TTLL5: variants seen among roughly 807,000 people sequenced by gnomAD.
The protein encoded by TTLL5 is tubulin polyglutamylase TTLL5.
TTLL5 carries 132 observed loss-of-function variants against 168.4 expected under a neutral mutation model. The ratio of observed to expected loss-of-function variants is 0.78; its 90% CI spans 0.68 to 0.91. The LOEUF is 0.91. Among genes scored for constraint, TTLL5 ranks in the 40% least tolerant of loss-of-function variants. The probability of loss-of-function intolerance (pLI) is 0.00; values close to 1 mark genes in which losing one functional copy is unlikely to be tolerated. For missense variants in TTLL5, 1,545 were observed against 1,581.5 expected (o/e 0.98, Z 0.39); for synonymous variants, 546 against 558.6 (o/e 0.98, Z 0.32).
chr14:75,721,181 TTTCTC>T (rs573830766), intron 12 of TTLL5, among the ~76,000 whole-genome samples: 1 of 151,836 alleles, frequency 6.6e-6, no homozygotes, highest in Admixed American at 6.6e-5. Context: ...TCCACTTTCT[TTTCTC>T]TTTCTCTTTC....
rs184178665 is a variant in TTLL5, at chr14:75,761,295, C to T, written c.1551-3320C>T. Among the ~76,000 whole-genome samples the T allele has an allele frequency of 4.5e-3, 681 of 152,040 alleles. 17 individuals are homozygous for T. The highest frequency in any genetic ancestry group is 0.04 in the Admixed American group (612 of 15,280). ...TTGTCGTTGACAGTGTAAACTGGTA[C>T]AAGCACTTTAGGAAGAGACTGGCAG... On this transcript the variant is annotated intron_variant, in intron 18 of 31. Coordinates refer to ENST00000298832, the MANE Select transcript of TTLL5 (RefSeq NM_015072.5).
chr14:75,839,614 G>T (rs1023269445), intron 28 of TTLL5, among the ~76,000 whole-genome samples: 1 of 152,174 alleles, frequency 6.6e-6, no homozygotes, highest in Non-Finnish European at 1.5e-5. Context: ...ATCAGATCTC[G>T]TGAGAACTCA....
At chr14:75,683,706 G>C in intron 5 of TTLL5, 50 bp downstream of exon 5, 3 of 1,421,178 alleles carry the variant, frequency 2.1e-6, no homozygotes, top group Non-Finnish European at 3.0e-6. Context: ...CATGACATTG[G>C]GGCATGTAGC....
At chr14:75,811,362 A>G (rs942328000) in intron 27 of TTLL5, among the ~76,000 whole-genome samples, 4 of 151,620 alleles carry the variant, frequency 2.6e-5, no homozygotes, top group Admixed American at 6.6e-5. Context: ...CCTATCTTCT[A>G]TGACGCGAAG....
At chr14:75,745,054 T>C (rs909656811) in intron 15 of TTLL5, 41 bp from the exon 16 acceptor site, 13 of 1,561,088 alleles carry the variant, frequency 8.3e-6, no homozygotes, top group South Asian at 2.3e-5. Context: ...TAATGAAAAC[T>C]TAAAAAATTT....
At chr14:75,806,930 T>C (rs2140380275) in intron 27 of TTLL5, among the ~76,000 whole-genome samples, 1 of 152,186 alleles carries the variant, frequency 6.6e-6, no homozygotes, top group East Asian at 1.9e-4. Context: ...TAGCCAGAAG[T>C]CATCTTTCTA....
intron 26 of TTLL5, among the ~76,000 whole-genome samples, chr14:75,789,091 T>G (rs1488866109): frequency 1.3e-5 from 2 of 152,024 alleles, no homozygotes; most frequent in African/African-American, 2.4e-5. Context: ...GAGAAGGAGA[T>G]TCTCTTAAAA....
intron 31 of TTLL5, among the ~76,000 whole-genome samples, chr14:75,908,944 T>G (rs981051917): frequency 6.6e-6 from 1 of 151,970 alleles, no homozygotes; most frequent in Non-Finnish European, 1.5e-5. Context: ...GCACAGCTAA[T>G]TTTTCATATT....
At chr14:75,732,528 T>G (rs538691679) in intron 13 of TTLL5, 109 bp downstream of exon 13, 1 of 911,818 alleles carries the variant, frequency 1.1e-6, no homozygotes, top group Non-Finnish European at 1.7e-6. Context: ...TTTTTCCTAG[T>G]TATTAGGTGG....
At chr14:75,699,893 GTAGT>G (rs35015483) in intron 7 of TTLL5, among the ~76,000 whole-genome samples, 1,784 of 152,210 alleles carry the variant, frequency 0.012, 32 homozygotes, top group African/African-American at 0.041. Flanking sequence ...ACTTACAATA[GTAGT>G]TAGTAACTTT....
At chr14:75,707,587 A>G (rs1886748996) in intron 8 of TTLL5, 36 bp from the exon 9 acceptor site, 22 of 1,545,868 alleles carry the variant, frequency 1.4e-5, no homozygotes, top group East Asian at 2.3e-5. Context: ...AAATGAACTT[A>G]GTTTTTTTTT....
chr14:75,906,648 C>G (rs2033157517), intron 31 of TTLL5: 1 of 985,856 alleles, frequency 1.0e-6, no homozygotes, highest in Admixed American at 6.1e-5. Context: ...CAGAGAAAAT[C>G]AAAGTCGGTG....
At position 75,792,924 on chromosome 14, in the gene TTLL5, T is replaced by A; in HGVS notation, c.2995T>A (p.Tyr999Asn). Residue 999 changes from tyrosine to asparagine, a missense_variant, in exon 27 of 32, where the codon TAT becomes AAT. Coordinates refer to ENST00000298832, the MANE Select transcript of TTLL5 (RefSeq NM_015072.5). ...TTTCTCCGTTTTAGCAGGATCGTGCTATCTAAACAAGCATCATTCAGGAAT... is the reference window on the plus strand; with the variant it reads ...TTTCTCCGTTTTAGCAGGATCGTGCAATCTAAACAAGCATCATTCAGGAAT... ...RPSSAKAGSCYLNKHHSGIAK... is the reference protein window; with the variant it reads ...RPSSAKAGSCNLNKHHSGIAK... 1 of 1,600,664 alleles carries A rather than the reference T, an allele frequency of 6.2e-7. No individual in the cohort carries two copies. The highest frequency in any genetic ancestry group is 8.5e-7 in the Non-Finnish European group (1 of 1,171,588).
At chr14:75,814,547 T>TCA (rs1461435108) in intron 27 of TTLL5, 1 of 152,210 alleles carries the variant, frequency 6.6e-6, no homozygotes, top group Admixed American at 6.5e-5. Flanking sequence ...CTGGGAGATT[T>TCA]TCCCTGCCCT....
In TTLL5 at chr14:75,779,632, T is replaced by C. The variant is rs1324379475; in HGVS notation, c.2445T>C (p.Ser815=). ...ATACCCAAAAGAACAAGTCTGCTAG[T>C]GTCTTCCTGGGGACTCACTCTAAAA... is the stretch of plus-strand genomic sequence containing the variant. ...TFYTQKNKSA[S]VFLGTHSKIS... The change falls in exon 24 of 32, where the codon AGT becomes AGC. Residue 815 remains serine, a synonymous_variant. Transcript: ENST00000298832. The C allele has an allele frequency of 2.5e-6, 4 of 1,613,904 alleles. No homozygotes were observed. In the South Asian group the frequency reaches 3.3e-5, roughly 13 times the overall value.
chr14:75,718,698 G>T (rs1315579655), intron 10 of TTLL5, among the ~76,000 whole-genome samples: 1 of 152,174 alleles, frequency 6.6e-6, no homozygotes, highest in African/African-American at 2.4e-5. Context: ...AAGAAAGAAA[G>T]AAATGAGGCC....
chr14:75,862,679 G>A (rs1021198540), intron 28 of TTLL5, among the ~76,000 whole-genome samples: 16 of 152,264 alleles, frequency 1.1e-4, no homozygotes, highest in Admixed American at 7.9e-4. Flanking sequence ...AGTGGCTCAC[G>A]CCTGCAATCC....
At chr14:75,728,749 T>C (rs1187503620) in intron 12 of TTLL5, among the ~76,000 whole-genome samples, 1 of 151,892 alleles carries the variant, frequency 6.6e-6, no homozygotes, top group African/African-American at 2.4e-5. Context: ...AAAACTAGAA[T>C]TGAGAAGGAA....
rs546572716 is a variant in TTLL5 at position 75,842,465 on chromosome 14, A to G, written c.3327-21202A>G. On this transcript the variant is annotated intron_variant, in intron 28 of 31. Transcript: ENST00000298832. ...TATTTTCTTAATGTTCCTTAAGACT[A>G]GAAGGAATCCCTGTGAGTCAAGTTC... Among the ~76,000 whole-genome samples, 330 of 152,268 alleles carry G rather than the reference A, an allele frequency of 2.2e-3. 1 individual carries two copies. The highest frequency in any genetic ancestry group is 7.7e-3 in the African/African-American group (320 of 41,542).
Sources: gnomAD v4.1 joint callset for allele counts (sites outside exome capture counted in the v4.1 genomes callset) on GRCh38, gnomAD v4.1.1 for gene constraint, MANE v1.5 for transcripts, NCBI Gene and HGNC (gene_info 2026-07-23, HGNC 2026-07-21) for gene names.